The following NUP153 variants were observed in gnomAD, a reference collection of about 807,000 sequenced individuals.
NUP153 encodes nucleoporin 153.
A neutral mutation model predicts 134.6 loss-of-function variants in NUP153; 27 were observed. The ratio of observed to expected loss-of-function variants is 0.20; its 90% CI spans 0.15 to 0.28. The LOEUF is 0.28. Among genes scored for constraint, NUP153 ranks in the 10% least tolerant of loss-of-function variants. The pLI is 1.00. For missense variants in NUP153, 1,821 were observed against 1,731.3 expected (o/e 1.05, Z -0.92); for synonymous variants, 640 against 623.5 (o/e 1.03, Z -0.40).
In NUP153 at chr6:17,675,407, T is replaced by C. The variant is rs2113834455; in HGVS notation, c.584-39A>G. Reference sequence around the variant, plus strand: ...ACATAATCCATAGTAATAACACCAATACAAGAGCCTAGATTTTTATAAATA... The same window carrying C: ...ACATAATCCATAGTAATAACACCAACACAAGAGCCTAGATTTTTATAAATA... On this transcript the variant is annotated intron_variant, in intron 3 of 21. Coordinates refer to ENST00000262077, the MANE Select transcript of NUP153 (RefSeq NM_005124.4). This position sits in a 1 kb window ranked among gnomAD's most constrained non-coding sequence, Gnocchi z 4.4. The C allele has an allele frequency of 2.5e-6, 4 of 1,584,514 alleles. No homozygotes were observed. Among genetic ancestry groups the C allele is most frequent in the Non-Finnish European group, 3.4e-6 (4 of 1,166,176 alleles).
chr6:17,681,261 C>T (rs1035233962), intron 2 of NUP153, among the ~76,000 whole-genome samples: 6 of 150,490 alleles, frequency 4.0e-5, no homozygotes, highest in Non-Finnish European at 5.9e-5. Context: ...AATAGAATGA[C>T]GAATACCAGT....
At chr6:17,688,289 A>G in intron 2 of NUP153, 107 bp downstream of exon 2, 1 of 738,264 alleles carries the variant, frequency 1.4e-6, no homozygotes, top group Non-Finnish European at 2.3e-6. Context: ...TCCTCTTCCC[A>G]TATGGTTTAT....
intron 1 of NUP153, among the ~76,000 whole-genome samples, chr6:17,699,089 A>G (rs1015607688): frequency 6.6e-6 from 1 of 152,208 alleles, no homozygotes; most frequent in African/African-American, 2.4e-5. Flanking sequence ...CTGACAGTAA[A>G]TGGTATGTGT....
intron 17 of NUP153, among the ~76,000 whole-genome samples, chr6:17,632,044 T>C (rs1765279827): frequency 6.6e-6 from 1 of 152,116 alleles, no homozygotes. Flanking sequence ...ACTTATATAG[T>C]AAAATATTAA....
At chr6:17,629,990 T>C (rs997693069) in intron 17 of NUP153, among the ~76,000 whole-genome samples, 1 of 152,170 alleles carries the variant, frequency 6.6e-6, no homozygotes, top group Non-Finnish European at 1.5e-5. Flanking sequence ...CCATATGCAA[T>C]CCAGGCAGCT....
rs1764898228 is a variant in NUP153, at chr6:17,625,664, ATAAT to A, written c.3901+140_3901+143del. ...GAGTGTACATTATTCCATACAGTGA[ATAAT>A]TAAAACAACCCTGGTATAGATGACC... On this transcript the variant is annotated intron_variant, in intron 19 of 21. Coordinates refer to ENST00000262077, the MANE Select transcript of NUP153 (RefSeq NM_005124.4). The surrounding 1 kb of genome is among the most constrained non-coding windows in gnomAD (Gnocchi z 4.7). 10 of 661,732 alleles carry A rather than the reference ATAAT, an allele frequency of 1.5e-5. 1 individual carries two copies. The South Asian group carries it at 1.7e-4, about 11-fold the overall frequency. The allele number at this position is 661,732 out of a possible 1,614,324, so 41.0% of individuals were successfully genotyped here.
In NUP153 at chr6:17,665,429, T is replaced by C. The variant is rs775917723; in HGVS notation, c.1069-44A>G. 5.3e-6 allele frequency: 8 copies of C among 1,507,304 alleles called. No homozygotes were observed. In the Admixed American group the frequency reaches 9.6e-5, roughly 18 times the overall value. The allele number at this position is 1,507,304 out of a possible 1,614,324, so 93.4% of individuals were successfully genotyped here. On this transcript the variant is annotated intron_variant, in intron 8 of 21. Transcript: ENST00000262077. ...TCAAAAACATTTATTTTCATATAAA[T>C]CAATGATTCATATCTAAATTTTGAC...
rs2150258988 is a variant in NUP153, at chr6:17,706,726, C to G, written c.-339G>C. On this transcript the variant is annotated 5_prime_UTR_variant, in exon 1 of 22. Transcript: ENST00000262077. The surrounding 1 kb of genome is among the most constrained non-coding windows in gnomAD (Gnocchi z 5.9). The stretch of plus-strand genomic sequence containing the variant: ...AGTTCCCCGCGGTGCTGAGGCCTAA[C>G]TCGACCGCCGACTGGTGGGAGTTCT... 1 of 281,226 alleles carries G rather than the reference C, an allele frequency of 3.6e-6. No homozygotes were observed. Among genetic ancestry groups the G allele is most frequent in the Middle Eastern group, 1.1e-3 (1 of 910 alleles). 17.4% of individuals were successfully genotyped at this position (281,226 alleles called of 1,614,324 possible).
At chr6:17,678,951 A>G (rs1055185462) in intron 2 of NUP153, among the ~76,000 whole-genome samples, 1 of 150,728 alleles carries the variant, frequency 6.6e-6, no homozygotes, top group Non-Finnish European at 1.5e-5. Context: ...CTCATTTAAA[A>G]AAAAAAAAAA....
chr6:17,620,777 A>C (rs116619672), intron 20 of NUP153, among the ~76,000 whole-genome samples: 2,379 of 152,304 alleles, frequency 0.016, 60 homozygotes, highest in African/African-American at 0.054. Context: ...AGCCCCTGGA[A>C]GCCAAAAGAT....
chr6:17,689,814 C>T (rs1769171718), intron 1 of NUP153, among the ~76,000 whole-genome samples: 1 of 151,952 alleles, frequency 6.6e-6, no homozygotes, highest in African/African-American at 2.4e-5. Flanking sequence ...CATGAGCCAC[C>T]GTGCCCAGCT....
chr6:17,635,045 G>A (rs1186209072), intron 16 of NUP153, among the ~76,000 whole-genome samples: 1 of 149,532 alleles, frequency 6.7e-6, no homozygotes, highest in Non-Finnish European at 1.5e-5. Context: ...TCTGTGTTGA[G>A]CCTCATTCAT....
Position 17,661,676 on chromosome 6 carries a change from C to A in NUP153, c.1372G>T (p.Ala458Ser), listed in dbSNP as rs759363188. 1.2e-6 allele frequency: 2 copies of A among 1,613,792 alleles called. No individual in the cohort carries two copies. The highest frequency in any genetic ancestry group is 4.5e-5 in the East Asian group (2 of 44,848). ...KMRRERTRFV[A>S]SKPLEEEEME... ...ACCTCCTCCTCCAGAGGTTTAGAAG[C>A]AACAAAGCGTGTTCTTTCTCGTCTC... Residue 458 changes from alanine (A) to serine (S), a missense_variant, in exon 11 of 22, where the codon GCT becomes TCT. Transcript: ENST00000262077.
At chr6:17,690,969 C>A (rs1345394317) in intron 1 of NUP153, among the ~76,000 whole-genome samples, 1 of 151,990 alleles carries the variant, frequency 6.6e-6, no homozygotes, top group Non-Finnish European at 1.5e-5. Flanking sequence ...GAAACCCCGC[C>A]TCTCCTAAAA....
chr6:17,662,162 T>A, intron 9 of NUP153, 92 bp from the exon 10 acceptor site: 2 of 1,176,638 alleles, frequency 1.7e-6, no homozygotes, highest in East Asian at 4.8e-5. Context: ...ATATTTAGAA[T>A]CAGGAATTTG....
intron 8 of NUP153, among the ~76,000 whole-genome samples, chr6:17,667,172 G>GT (rs1767586397): frequency 6.6e-6 from 1 of 152,128 alleles, no homozygotes; most frequent in Admixed American, 6.6e-5. Context: ...AGAAAAGCTA[G>GT]TAGCTTAAAT....
intron 2 of NUP153, among the ~76,000 whole-genome samples, chr6:17,686,400 TTTC>T (rs1262058028): frequency 6.6e-6 from 1 of 151,726 alleles, no homozygotes; most frequent in Non-Finnish European, 1.5e-5. Context: ...CTTTTTTTTA[TTTC>T]TTTTTTTTTT....
intron 11 of NUP153, among the ~76,000 whole-genome samples, chr6:17,652,936 G>A (rs1766591428): frequency 6.6e-6 from 1 of 152,170 alleles, no homozygotes; most frequent in South Asian, 2.1e-4. Flanking sequence ...GACTGAGGTA[G>A]GAGAATCACT....
intron 5 of NUP153, among the ~76,000 whole-genome samples, chr6:17,672,188 A>T (rs1465722322): frequency 6.7e-6 from 1 of 149,868 alleles, no homozygotes; most frequent in Non-Finnish European, 1.5e-5. Context: ...CAATCAAGAC[A>T]GTGCAGTTGG....
Sources: allele counts gnomAD v4.1 joint callset (sites outside exome capture counted in the v4.1 genomes callset), GRCh38; gene constraint gnomAD v4.1.1; non-coding constraint Gnocchi (gnomAD v3.1); transcripts MANE v1.5; gene names NCBI Gene and HGNC (gene_info 2026-07-23, HGNC 2026-07-21).